Variants in IL1RAPL1 observed in about 807,000 individuals in gnomAD.
IL1RAPL1 encodes the protein interleukin 1 receptor accessory protein like 1.
In IL1RAPL1, 3 loss-of-function variants were observed where a neutral mutation model predicts 48.4. That is an observed-to-expected ratio of 0.06 (90% CI 0.03 to 0.16). The LOEUF is 0.16. Among genes scored for constraint, IL1RAPL1 ranks in the 10% least tolerant of loss-of-function variants. IL1RAPL1 has a pLI of 1.00. For synonymous variants in IL1RAPL1, 185 were observed against 187.7 expected (o/e 0.99, Z 0.12); for missense variants, 349 against 530.6 (o/e 0.66, Z 3.36).
chrX:28,868,324 A>G (rs1253973337), intron 2 of IL1RAPL1, among the ~76,000 whole-genome samples: 1 of 111,924 alleles, frequency 8.9e-6, no homozygotes, highest in Non-Finnish European at 1.9e-5. Context: ...TTTCTTTCTA[A>G]TCCTCAGTTT....
intron 6 of IL1RAPL1, among the ~76,000 whole-genome samples, chrX:29,876,191 C>G (rs1476358116): frequency 1.8e-5 from 2 of 110,857 alleles, no homozygotes; most frequent in African/African-American, 6.6e-5. Flanking sequence ...AGTTTGTATG[C>G]CAAAAAAAAT....
intron 2 of IL1RAPL1, among the ~76,000 whole-genome samples, chrX:29,038,624 A>G (rs1387203168): frequency 8.1e-5 from 9 of 111,656 alleles, no homozygotes; most frequent in African/African-American, 2.9e-4. Flanking sequence ...GGACAAAGGG[A>G]CAGAGTTTTA....
At chrX:28,799,979 G>A (rs5943554) in intron 2 of IL1RAPL1, among the ~76,000 whole-genome samples, 29,030 of 110,760 alleles carry the variant, frequency 0.26, 3,423 homozygotes, top group East Asian at 0.41. Context: ...TGTGGCTTCT[G>A]TAACAAATTG....
At chrX:29,183,631 C>T (rs763819078) in intron 2 of IL1RAPL1, among the ~76,000 whole-genome samples, 3 of 110,283 alleles carry the variant, frequency 2.7e-5, no homozygotes, top group Non-Finnish European at 5.7e-5. Context: ...TTTGTTCAAA[C>T]TTTTCCTACT....
chrX:29,828,994 T>A (rs1035128363), intron 6 of IL1RAPL1, among the ~76,000 whole-genome samples: 1 of 111,015 alleles, frequency 9.0e-6, no homozygotes, highest in African/African-American at 3.3e-5. Flanking sequence ...CCCAACATTA[T>A]AACCAAAGAT....
chrX:29,752,076 G>GTGTGTATA (rs1391674592), intron 6 of IL1RAPL1, among the ~76,000 whole-genome samples: 21 of 89,480 alleles, frequency 2.3e-4, no homozygotes, highest in African/African-American at 9.3e-4. Flanking sequence ...ATATATGTGT[G>GTGTGTATA]TATGTATATA....
chrX:28,899,363 G>C (rs1177841469), intron 2 of IL1RAPL1, among the ~76,000 whole-genome samples: 1 of 111,589 alleles, frequency 9.0e-6, no homozygotes, highest in Non-Finnish European at 1.9e-5. Flanking sequence ...TCACCATGTT[G>C]CCTGGGCTGG....
At chrX:29,530,882 G>A (rs539154560) in intron 5 of IL1RAPL1, among the ~76,000 whole-genome samples, 4 of 112,120 alleles carry the variant, frequency 3.6e-5, no homozygotes, top group African/African-American at 9.7e-5. Flanking sequence ...CTAGCTGAGC[G>A]ACTTTGGATG....
rs538603378 is a variant in IL1RAPL1, at chrX:29,620,236, G to C, written c.704-48194G>C. 8.0e-5 allele frequency among the ~76,000 whole-genome samples: 9 copies of C among 111,823 alleles called. 1 individual carries two copies. Among genetic ancestry groups the C allele is most frequent in the Admixed American group, 7.6e-4 (8 of 10,493 alleles). ...TTAAGACAATAGTCTATACAGTTAC[G>C]TACTGCTTAACCACAGGGATGTGTT... On this transcript the variant is annotated intron_variant, in intron 5 of 10. Transcript: ENST00000378993.
At chrX:28,612,098 A>T (rs1047976430) in intron 1 of IL1RAPL1, among the ~76,000 whole-genome samples, 2 of 111,842 alleles carry the variant, frequency 1.8e-5, no homozygotes, top group African/African-American at 6.5e-5. Context: ...AGAGTCTAAG[A>T]AGCAGGCTTT....
In IL1RAPL1 at chrX:28,634,389, G is replaced by A. The variant is rs770750537; in HGVS notation, c.-25+46342G>A. On this transcript the variant is annotated intron_variant, in intron 1 of 10. Transcript: ENST00000378993. ...TATATACATATACACGTATGTACAC[G>A]TATATACGTATACACGTATGTATAC... Among the ~76,000 whole-genome samples, 73 of 108,008 alleles carry A rather than the reference G, an allele frequency of 6.8e-4. No homozygotes were observed. In the Middle Eastern group the frequency reaches 0.029, roughly 44 times the overall value. The allele number at this position is 108,008 out of a possible 115,157, so 93.8% of individuals were successfully genotyped here.
In IL1RAPL1 at chrX:29,668,294, T is replaced by C. The variant is rs1223403677; in HGVS notation, c.704-136T>C. ...GCCTGAAGGTGTTATCTGCAGTATG[T>C]TCATCGTTACTTGGTAGAGCACTTT... is the stretch of plus-strand genomic sequence containing the variant. On this transcript the variant is annotated intron_variant, in intron 5 of 10. Transcript: ENST00000378993. 5.5e-6 allele frequency: 3 copies of C among 544,623 alleles called. No homozygotes were observed. In the African/African-American group the frequency reaches 6.9e-5, roughly 13 times the overall value. 44.9% of individuals were successfully genotyped at this position (544,623 alleles called of 1,213,427 possible).
chrX:29,736,185 T>G (rs1319295042), intron 6 of IL1RAPL1, among the ~76,000 whole-genome samples: 1 of 112,182 alleles, frequency 8.9e-6, no homozygotes, highest in Non-Finnish European at 1.9e-5. Flanking sequence ...GTAAGCATTT[T>G]TATACCCATA....
intron 3 of IL1RAPL1, among the ~76,000 whole-genome samples, chrX:29,361,542 A>AACAC (rs35694893): frequency 0.022 from 2,183 of 100,938 alleles, 43 homozygotes; most frequent in African/African-American, 0.066. Context: ...AACTACCTTA[A>AACAC]ACACACACAC....
intron 3 of IL1RAPL1, among the ~76,000 whole-genome samples, chrX:29,311,004 ATGAC>A (rs1396634995): frequency 8.9e-6 from 1 of 111,894 alleles, no homozygotes; most frequent in Non-Finnish European, 1.9e-5. Flanking sequence ...AAGCATCCAA[ATGAC>A]TGGATTAAAA....
intron 6 of IL1RAPL1, among the ~76,000 whole-genome samples, chrX:29,870,337 G>A (rs757327778): frequency 8.9e-6 from 1 of 112,141 alleles, no homozygotes; most frequent in South Asian, 3.7e-4. Context: ...GGTCCTGATT[G>A]AGGCTGAGGA....
At chrX:29,931,040 T>A (rs1045202908) in intron 8 of IL1RAPL1, among the ~76,000 whole-genome samples, 2 of 111,702 alleles carry the variant, frequency 1.8e-5, no homozygotes, top group South Asian at 3.7e-4. Flanking sequence ...GCCACAGACT[T>A]CTTCTCAAGT....
At chrX:28,831,882 C>T (rs1921067417) in intron 2 of IL1RAPL1, among the ~76,000 whole-genome samples, 1 of 110,715 alleles carries the variant, frequency 9.0e-6, no homozygotes, top group Admixed American at 9.6e-5. Flanking sequence ...TTGTACTTAA[C>T]TTTTTAAAAA....
intron 2 of IL1RAPL1, among the ~76,000 whole-genome samples, chrX:28,861,041 T>G (rs1201371049): frequency 1.8e-5 from 2 of 111,560 alleles, no homozygotes; most frequent in Non-Finnish European, 3.8e-5. Flanking sequence ...TAAGAATTTT[T>G]TTCTCAATAA....
Sources: allele counts gnomAD v4.1 joint callset (sites outside exome capture counted in the v4.1 genomes callset), GRCh38; gene constraint gnomAD v4.1.1; transcripts MANE v1.5; gene names NCBI Gene and HGNC (gene_info 2026-07-23, HGNC 2026-07-21).